Variants in SPI1 observed in about 807,000 individuals in gnomAD.
The protein encoded by SPI1 is Spi-1 proto-oncogene.
In SPI1, 3 loss-of-function variants were observed where a neutral mutation model predicts 30.7. The observed-to-expected ratio is 0.10, with a 90% CI of 0.04 to 0.25. The LOEUF (loss-of-function observed/expected upper bound fraction) is 0.25, where lower values mean the gene tolerates loss of function less well. SPI1 is among the 10% of genes least tolerant of loss of function. The pLI is 1.00. For synonymous variants in SPI1, 169 were observed against 157.1 expected, an observed-to-expected ratio of 1.08 and a Z score of -0.56; for missense variants, 261 against 371.5, an observed-to-expected ratio of 0.70 and a Z score of 2.45.
rs1263294196 is a variant in SPI1, at chr11:47,354,888, T to C, written c.*339A>G. The C allele has an allele frequency of 2.7e-5, 6 of 225,358 alleles. No individual in the cohort carries two copies. The East Asian group carries it at 5.4e-4, about 20-fold the overall frequency. The allele number at this position is 225,358 out of a possible 1,614,324, so 14.0% of individuals were successfully genotyped here. ...ATTGAGAATAACTTTACTTGTTTTT[T>C]GGGAGGAGGTTAATGGGTGGGAGGG... On this transcript the variant is annotated 3_prime_UTR_variant, in exon 5 of 5. Transcript: ENST00000378538.
rs745590960 is a variant in SPI1 at position 47,358,931 on chromosome 11, C to G, written c.406G>C (p.Gly136Arg). 9.6e-6 allele frequency: 15 copies of G among 1,566,584 alleles called. No homozygotes were observed. Among genetic ancestry groups the G allele is most frequent in the Non-Finnish European group, 1.3e-5 (15 of 1,156,658 alleles). Residue 136 changes from glycine (G) to arginine (R), a missense_variant, in exon 4 of 5, where the codon GGC becomes CGC. Transcript: ENST00000378538. ...TCCAGTGGGGGGCTCTGCCGCTCGC[C>G]CTCCTCCTCATCTGAGCTGGGCTGG... ...PAQPSSDEEE[G>R]ERQSPPLEVS...
intron 2 of SPI1, among the ~76,000 whole-genome samples, chr11:47,365,341 C>T (rs772555846): frequency 3.3e-5 from 5 of 152,142 alleles, no homozygotes; most frequent in Admixed American, 6.5e-5. Flanking sequence ...GACCGGTAGG[C>T]ACCCAACAGG....
chr11:47,378,314 G>A lies in SPI1; in HGVS notation c.40C>T (p.Pro14Ser). 1 of 1,613,838 alleles carries A rather than the reference G, an allele frequency of 6.2e-7. No homozygotes were observed. The highest frequency in any genetic ancestry group is 8.5e-7 in the Non-Finnish European group (1 of 1,179,864). Residue 14 changes from proline (P) to serine (S), a missense_variant, in exon 1 of 5, where the codon CCC becomes TCC. Coordinates refer to ENST00000378538, the MANE Select transcript of SPI1 (RefSeq NM_003120.3). Reference protein sequence around the residue: ...ACKMEGFPLVPPPSEDLVPYD... With the variant: ...ACKMEGFPLVSPPSEDLVPYD... ...GGAGGAGTCCCGGTACTCACAGGGG[G>A]GACGAGGGGAAACCCTTCCATTTTG...
At chr11:47,369,669 A>C (rs1392423122) in intron 2 of SPI1, among the ~76,000 whole-genome samples, 1 of 152,234 alleles carries the variant, frequency 6.6e-6, no homozygotes, top group Non-Finnish European at 1.5e-5. Flanking sequence ...TCTAGTAACC[A>C]GAAGACAGTA....
At position 47,359,376 on chromosome 11, in the gene SPI1, G is replaced by A. The variant is rs1165074123; in HGVS notation, c.331-370C>T. On this transcript the variant is annotated intron_variant, in intron 3 of 4. Coordinates refer to ENST00000378538, the MANE Select transcript of SPI1 (RefSeq NM_003120.3). This position sits in a 1 kb window ranked among gnomAD's most constrained non-coding sequence, Gnocchi z 5.1. ...GGACCGGTGCGTTGGGTCTGGAAGGGGGTTTCATAGGTGGGATGATGAGTG... is the reference window on the plus strand; with the variant it reads ...GGACCGGTGCGTTGGGTCTGGAAGGAGGTTTCATAGGTGGGATGATGAGTG... Among the ~76,000 whole-genome samples the A allele has an allele frequency of 1.3e-5, 2 of 152,100 alleles. No individual in the cohort carries two copies. The highest frequency in any genetic ancestry group is 1.9e-4 in the East Asian group (1 of 5,182).
chr11:47,359,097 T>A lies in SPI1; in HGVS notation c.331-91A>T. On this transcript the variant is annotated intron_variant, in intron 3 of 4. Coordinates refer to ENST00000378538, the MANE Select transcript of SPI1 (RefSeq NM_003120.3). The surrounding 1 kb of genome is among the most constrained non-coding windows in gnomAD (Gnocchi z 5.1). ...GGAGGTCAGCTGGGGAGAGAAGGAG[T>A]GCAGAGGGCAGGGGACAATGGCAGG... The A allele has an allele frequency of 2.4e-6, 3 of 1,238,750 alleles. No individual in the cohort carries two copies. Among genetic ancestry groups the A allele is most frequent in the Non-Finnish European group, 3.3e-6 (3 of 900,014 alleles). The allele number at this position is 1,238,750 out of a possible 1,614,324, so 76.7% of individuals were successfully genotyped here.
chr11:47,355,325 C>T lies in SPI1; in HGVS notation c.715G>A (p.Gly239Ser). 6.2e-7 allele frequency: 1 copy of T among 1,612,422 alleles called. No homozygotes were observed. The highest frequency in any genetic ancestry group is 8.5e-7 in the Non-Finnish European group (1 of 1,179,300). ...ARALRNYGKT[G>S]EVKKVKKKLT... ...TTCTTCTTCACCTTCTTGACCTCGC[C>T]CGTCTTGCCGTAGTTGCGCAGCGCG... is the stretch of plus-strand genomic sequence containing the variant. Residue 239 changes from glycine to serine, a missense_variant, in exon 5 of 5, where the codon GGC (glycine) becomes AGC (serine). Gly to Ser is a moderately conservative substitution (Grantham distance 56). Coordinates refer to ENST00000378538, the MANE Select transcript of SPI1 (RefSeq NM_003120.3).
rs919046773 is a variant in SPI1, at chr11:47,359,447, A to C, written c.330+406T>G. On this transcript the variant is annotated intron_variant, in intron 3 of 4. Coordinates refer to ENST00000378538, the MANE Select transcript of SPI1 (RefSeq NM_003120.3). This position sits in a 1 kb window ranked among gnomAD's most constrained non-coding sequence, Gnocchi z 5.1. ...CAGTAGGGGTGGTAGAGGTCAGCAG[A>C]GGTCACTGATCCGGGTTAGGGTCAG... Among the ~76,000 whole-genome samples the C allele has an allele frequency of 2.0e-5, 3 of 152,022 alleles. No homozygotes were observed. In the South Asian group the frequency reaches 6.2e-4, roughly 32 times the overall value.
chr11:47,360,127 G>A (rs967001403), intron 2 of SPI1, 87 bp from the exon 3 acceptor site: 2 of 1,134,854 alleles, frequency 1.8e-6, no homozygotes, highest in African/African-American at 3.1e-5. Flanking sequence ...AATACTGCCA[G>A]GCCATATGGG....
In SPI1 at chr11:47,378,262, C is replaced by A. The variant is rs376566931; in HGVS notation, c.45+47G>T. 8.2e-6 allele frequency: 13 copies of A among 1,594,448 alleles called. No homozygotes were observed. The African/African-American group carries it at 1.2e-4, about 15-fold the overall frequency. ...GCGGGTTCGTGGGCAGGCAGGCAGG[C>A]GTCCGAGGGCCACGGGTTGGGCTGG... On this transcript the variant is annotated intron_variant, in intron 1 of 4. Transcript: ENST00000378538.
At chr11:47,370,892 G>GTGTT (rs2095934810) in intron 2 of SPI1, among the ~76,000 whole-genome samples, 2 of 152,250 alleles carry the variant, frequency 1.3e-5, no homozygotes, top group South Asian at 4.1e-4. Flanking sequence ...GTGTGTGTGT[G>GTGTT]TGTGTTGTGA....
At position 47,372,190 on chromosome 11, in the gene SPI1, C is replaced by T. The variant is rs1376970544; in HGVS notation, c.142+3443G>A. Among the ~76,000 whole-genome samples the T allele has an allele frequency of 3.3e-5, 5 of 151,920 alleles. No individual in the cohort carries two copies. The East Asian group carries it at 7.7e-4, about 23-fold the overall frequency. Reference sequence around the variant, plus strand: ...CGCGATCTCAGCTCACTGCAACCTCCGCCTCCGGAGTTCAAGCGATTCTCC... The same window carrying T: ...CGCGATCTCAGCTCACTGCAACCTCTGCCTCCGGAGTTCAAGCGATTCTCC... On this transcript the variant is annotated intron_variant, in intron 2 of 4. Coordinates refer to ENST00000378538, the MANE Select transcript of SPI1 (RefSeq NM_003120.3).
At chr11:47,363,963 C>CAA (rs1161379136) in intron 2 of SPI1, among the ~76,000 whole-genome samples, 4,130 of 59,206 alleles carry the variant, frequency 0.07, 138 homozygotes, top group Middle Eastern at 0.12. Context: ...ACTCGGTCTC[C>CAA]AAAAAAAAAA....
chr11:47,366,583 C>T (rs527642233), intron 2 of SPI1, among the ~76,000 whole-genome samples: 37 of 152,194 alleles, frequency 2.4e-4, no homozygotes, highest in African/African-American at 7.5e-4. Flanking sequence ...GCTCAGAGGT[C>T]GAGGCAGGTG....
At chr11:47,376,640 CCTT>C (rs988546707) in intron 1 of SPI1, among the ~76,000 whole-genome samples, 2 of 150,838 alleles carry the variant, frequency 1.3e-5, no homozygotes, top group African/African-American at 2.5e-5. Flanking sequence ...TCCCTGTCCT[CCTT>C]CTTTCCTCCC....
chr11:47,362,030 G>A (rs192444225), intron 2 of SPI1, among the ~76,000 whole-genome samples: 1 of 152,136 alleles, frequency 6.6e-6, no homozygotes, highest in Admixed American at 6.6e-5. Context: ...AGGCAGAGCT[G>A]GGCTCAAGTT....
At chr11:47,368,549 C>G (rs1399319598) in intron 2 of SPI1, among the ~76,000 whole-genome samples, 1 of 152,212 alleles carries the variant, frequency 6.6e-6, no homozygotes, top group Non-Finnish European at 1.5e-5. Flanking sequence ...ATGCGCAAAA[C>G]GTGGCGCGCG....
chr11:47,356,118 CCACACCCACCCACTTGCACATT>C (rs1176566332), intron 4 of SPI1, among the ~76,000 whole-genome samples: 1 of 151,372 alleles, frequency 6.6e-6, no homozygotes, highest in Non-Finnish European at 1.5e-5. Context: ...CAGATTGCAC[CCACACCCACCCACTTGCACATT>C]CACACCCACA....
At chr11:47,368,507 T>C (rs2095931484) in intron 2 of SPI1, among the ~76,000 whole-genome samples, 3 of 152,276 alleles carry the variant, frequency 2.0e-5, no homozygotes, top group Middle Eastern at 6.8e-3. Flanking sequence ...ACACCCTAAG[T>C]GTCGGACGGC....
Sources: gnomAD v4.1 joint callset for allele counts (sites outside exome capture counted in the v4.1 genomes callset) on GRCh38, gnomAD v4.1.1 for gene constraint, Gnocchi (gnomAD v3.1) non-coding constraint, MANE v1.5 for transcripts, NCBI Gene and HGNC (gene_info 2026-07-23, HGNC 2026-07-21) for gene names.